The following FMR1NB variants were observed in gnomAD, a reference collection of about 807,000 sequenced individuals.
FMR1NB encodes FMR1 neighbor.
FMR1NB carries 10 observed loss-of-function variants against 16.8 expected under a neutral mutation model. The ratio of observed to expected loss-of-function variants is 0.60; its 90% CI spans 0.37 to 1.01. FMR1NB has a LOEUF of 1.01. Ranked by LOEUF, FMR1NB falls within the 50% of genes least tolerant of loss-of-function variation. FMR1NB has a pLI of 0.01. For missense variants in FMR1NB, 205 were observed against 204.8 expected, an observed-to-expected ratio of 1.00 and a Z score of 0.00; for synonymous variants, 83 against 79.1, an observed-to-expected ratio of 1.05 and a Z score of -0.26.
At chrX:148,003,069 T>G in intron 1 of FMR1NB, 132 bp from the exon 2 acceptor site, 1 of 669,924 alleles carries the variant, frequency 1.5e-6, no homozygotes, top group Non-Finnish European at 2.2e-6. Flanking sequence ...TAAGCTGTTA[T>G]GAGATGAAAG....
intron 4 of FMR1NB, among the ~76,000 whole-genome samples, chrX:148,024,483 G>A (rs1373879570): frequency 9.0e-6 from 1 of 111,679 alleles, no homozygotes; most frequent in African/African-American, 3.3e-5. Flanking sequence ...AGCCATTACT[G>A]TGTAGATTTG....
chrX:147,989,819 C>G (rs1396775672), intron 1 of FMR1NB, among the ~76,000 whole-genome samples: 2 of 110,908 alleles, frequency 1.8e-5, no homozygotes, highest in African/African-American at 6.6e-5. Flanking sequence ...GCCGCCTACT[C>G]AAGCCTCAGT....
chrX:148,017,601 A>T (rs77403716), intron 4 of FMR1NB, among the ~76,000 whole-genome samples: 4 of 107,724 alleles, frequency 3.7e-5, no homozygotes, highest in Admixed American at 9.9e-5. Context: ...CATGTGCACA[A>T]TGTGCAGGTT....
At chrX:148,013,156 T>G (rs2044633478) in intron 4 of FMR1NB, among the ~76,000 whole-genome samples, 1 of 111,634 alleles carries the variant, frequency 9.0e-6, no homozygotes, top group Non-Finnish European at 1.9e-5. Flanking sequence ...ACTGAAATAA[T>G]AAGAGAACCT....
intron 1 of FMR1NB, among the ~76,000 whole-genome samples, chrX:147,988,813 T>C (rs1193028021): frequency 8.9e-6 from 1 of 111,761 alleles, no homozygotes; most frequent in Non-Finnish European, 1.9e-5. Flanking sequence ...TTGATACTTG[T>C]GTATGCTTCA....
intron 2 of FMR1NB, 26 bp downstream of exon 2, chrX:148,003,346 C>G (rs1331255159): frequency 4.8e-5 from 57 of 1,198,380 alleles, no homozygotes; most frequent in Non-Finnish European, 6.3e-5. Flanking sequence ...ATTTTTTTCC[C>G]CCTCTAATGT....
intron 4 of FMR1NB, among the ~76,000 whole-genome samples, chrX:148,018,839 T>C (rs1372324828): frequency 9.0e-6 from 1 of 111,445 alleles, no homozygotes; most frequent in Non-Finnish European, 1.9e-5. Flanking sequence ...CTAATTAAAC[T>C]AAAGAGCTTC....
At position 148,000,455 on chromosome X, in the gene FMR1NB, A is replaced by C. The variant is rs189658730; in HGVS notation, c.278-2746A>C. ...CCAAAATTTACAGATGTAGCACACA[A>C]AAGAAAACTGCAGACACACTTCACT... On this transcript the variant is annotated intron_variant, in intron 1 of 5. Transcript: ENST00000370467. 6.2e-5 allele frequency among the ~76,000 whole-genome samples: 7 copies of C among 112,307 alleles called. No individual in the cohort carries two copies. In the East Asian group the frequency reaches 2.0e-3, roughly 31 times the overall value.
chrX:147,985,849 G>A (rs1230168898), intron 1 of FMR1NB, among the ~76,000 whole-genome samples: 3 of 111,891 alleles, frequency 2.7e-5, no homozygotes, highest in South Asian at 7.5e-4. Context: ...TGGGATTGCT[G>A]GGTCAAATGG....
chrX:147,998,506 T>C (rs2044554256), intron 1 of FMR1NB, among the ~76,000 whole-genome samples: 1 of 111,663 alleles, frequency 9.0e-6, no homozygotes, highest in Non-Finnish European at 1.9e-5. Context: ...CTAATGTAGA[T>C]GACGGGTTGA....
Position 148,024,771 on chromosome X carries a change from T to A in FMR1NB, c.633-94T>A, listed in dbSNP as rs2044695010. ...AAAAATATCAGGTGGGAAAGTATAGTTATCTGGGCAAATATTTTTTTCCTT... is the reference window on the plus strand; with the variant it reads ...AAAAATATCAGGTGGGAAAGTATAGATATCTGGGCAAATATTTTTTTCCTT... On this transcript the variant is annotated intron_variant, in intron 4 of 5. Transcript: ENST00000370467. 3 of 1,029,982 alleles carry A rather than the reference T, an allele frequency of 2.9e-6. No homozygotes were observed. In the African/African-American group the frequency reaches 5.7e-5, roughly 20 times the overall value. The allele number at this position is 1,029,982 out of a possible 1,213,427, so 84.9% of individuals were successfully genotyped here. A position where few individuals can be genotyped will look rare whatever the true frequency, so the allele number is the denominator to read the frequency against.
chrX:148,010,553 T>G (rs2044618689), intron 4 of FMR1NB, among the ~76,000 whole-genome samples: 1 of 112,037 alleles, frequency 8.9e-6, no homozygotes, highest in South Asian at 3.7e-4. Flanking sequence ...TCACTTTCTG[T>G]TCTCCATTTC....
intron 1 of FMR1NB, among the ~76,000 whole-genome samples, chrX:148,001,623 G>T (rs1658681615): frequency 9.1e-6 from 1 of 110,384 alleles, no homozygotes; most frequent in Admixed American, 9.8e-5. Context: ...GATGGTGCAT[G>T]CCTGTAATCT....
At chrX:148,009,138 C>A (rs1422878229) in intron 4 of FMR1NB, among the ~76,000 whole-genome samples, 1 of 111,344 alleles carries the variant, frequency 9.0e-6, no homozygotes, top group Non-Finnish European at 1.9e-5. Flanking sequence ...AGCCAAGATC[C>A]CACCACTGCA....
chrX:147,986,970 ATTTG>A (rs1292818053), intron 1 of FMR1NB, among the ~76,000 whole-genome samples: 1 of 110,884 alleles, frequency 9.0e-6, no homozygotes, highest in Non-Finnish European at 1.9e-5. Flanking sequence ...TTTTTTTTCC[ATTTG>A]TTTGTGTCGT....
intron 1 of FMR1NB, among the ~76,000 whole-genome samples, chrX:147,994,206 C>T (rs992163349): frequency 2.6e-4 from 29 of 111,330 alleles, no homozygotes; most frequent in Admixed American, 8.6e-4. Context: ...AGAGGTTTTC[C>T]GTCTTCTCAA....
intron 4 of FMR1NB, among the ~76,000 whole-genome samples, chrX:148,012,101 A>T (rs184359259): frequency 6.3e-5 from 7 of 111,787 alleles, no homozygotes; most frequent in African/African-American, 2.3e-4. Context: ...AGTAGGCTTA[A>T]GCCTTTGCTT....
chrX:148,024,797 A>C, intron 4 of FMR1NB, 68 bp from the exon 5 acceptor site: 1 of 1,145,025 alleles, frequency 8.7e-7, no homozygotes. Context: ...TTTTTTCCTT[A>C]TAACCCTCCC....
intron 4 of FMR1NB, among the ~76,000 whole-genome samples, chrX:148,018,861 A>T (rs1199737737): frequency 1.8e-5 from 2 of 111,939 alleles, no homozygotes; most frequent in African/African-American, 6.5e-5. Flanking sequence ...GCACAGCAAA[A>T]GAAACTACCA....
Sources: gnomAD v4.1 joint callset for allele counts (sites outside exome capture counted in the v4.1 genomes callset) on GRCh38, gnomAD v4.1.1 for gene constraint, MANE v1.5 for transcripts, NCBI Gene and HGNC (gene_info 2026-07-23, HGNC 2026-07-21) for gene names.